Variants in NKAIN3 observed in about 807,000 individuals in gnomAD.
The protein encoded by NKAIN3 is sodium/potassium transporting ATPase interacting 3.
NKAIN3 carries 25 observed loss-of-function variants against 30.2 expected under a neutral mutation model. The ratio of observed to expected loss-of-function variants is 0.83; its 90% CI spans 0.60 to 1.16. The LOEUF is 1.16. Among genes scored for constraint, NKAIN3 ranks in the 50% most tolerant of loss-of-function variants. The pLI, the probability that NKAIN3 is intolerant of heterozygous loss-of-function variation, is 0.00. For synonymous variants in NKAIN3, 91 were observed against 89.6 expected, an observed-to-expected ratio of 1.02 and a Z score of -0.09; for missense variants, 225 against 254.1, an observed-to-expected ratio of 0.89 and a Z score of 0.78.
intron 1 of NKAIN3, among the ~76,000 whole-genome samples, chr8:62,332,439 G>C (rs1815387462): frequency 6.6e-6 from 1 of 152,086 alleles, no homozygotes; most frequent in Non-Finnish European, 1.5e-5. Flanking sequence ...GTAATCTGGT[G>C]TTACTTTTCC....
chr8:62,498,714 CT>C (rs35892368), intron 1 of NKAIN3, among the ~76,000 whole-genome samples: 18,986 of 145,170 alleles, frequency 0.13, 1,179 homozygotes, highest in African/African-American at 0.15. Flanking sequence ...GGATGTATGT[CT>C]TTTTTTTTTT....
intron 1 of NKAIN3, among the ~76,000 whole-genome samples, chr8:62,396,720 G>A (rs570329562): frequency 2.0e-5 from 3 of 152,134 alleles, no homozygotes; most frequent in Non-Finnish European, 4.4e-5. Context: ...TTACTCCTAT[G>A]ACAAGTTCTT....
chr8:62,391,041 G>A (rs1328641455), intron 1 of NKAIN3, among the ~76,000 whole-genome samples: 1 of 152,184 alleles, frequency 6.6e-6, no homozygotes, highest in South Asian at 2.1e-4. Flanking sequence ...AAGCGCTTTG[G>A]TTTAATTAGA....
At chr8:62,785,273 G>C (rs1329262067) in intron 4 of NKAIN3, among the ~76,000 whole-genome samples, 1 of 152,082 alleles carries the variant, frequency 6.6e-6, no homozygotes, top group Non-Finnish European at 1.5e-5. Flanking sequence ...AGTATACACT[G>C]CAATGTAGAT....
intron 4 of NKAIN3, among the ~76,000 whole-genome samples, chr8:62,756,712 G>A (rs2130607114): frequency 6.6e-6 from 1 of 152,188 alleles, no homozygotes; most frequent in Non-Finnish European, 1.5e-5. Flanking sequence ...CAGCATCTAT[G>A]GGTTTTAACA....
At chr8:62,855,729 T>C in intron 4 of NKAIN3, 1 of 1,512,010 alleles carries the variant, frequency 6.6e-7, no homozygotes, top group Non-Finnish European at 9.2e-7. Context: ...ATAGCCTTCA[T>C]CTTGTCCACC....
At chr8:62,409,935 G>A (rs963896511) in intron 1 of NKAIN3, among the ~76,000 whole-genome samples, 93 of 151,820 alleles carry the variant, frequency 6.1e-4, no homozygotes, top group Non-Finnish European at 4.6e-4. Context: ...AAAGAATAAG[G>A]TTATCCTCAA....
At chr8:62,739,165 T>C (rs1284229144) in intron 3 of NKAIN3, among the ~76,000 whole-genome samples, 1 of 152,068 alleles carries the variant, frequency 6.6e-6, no homozygotes, top group Non-Finnish European at 1.5e-5. Flanking sequence ...CTAATGTAGA[T>C]GATGAGTTGA....
chr8:62,313,870 C>T (rs1411230086), intron 1 of NKAIN3, among the ~76,000 whole-genome samples: 1 of 152,076 alleles, frequency 6.6e-6, no homozygotes, highest in Non-Finnish European at 1.5e-5. Flanking sequence ...TATTCATTCA[C>T]AAAACATTTA....
rs73683426 is a variant in NKAIN3 at position 62,784,723 on chromosome 8, G to T, written c.471+37594G>T. 9.8e-3 allele frequency among the ~76,000 whole-genome samples: 1,485 copies of T among 152,164 alleles called. 22 individuals carry two copies. The highest frequency in any genetic ancestry group is 0.034 in the African/African-American group (1,404 of 41,528). ...TACCAATTCTTCACAAATTCCTTCA[G>T]AAAATAGAGCATGAAGGAGCACTTC... On this transcript the variant is annotated intron_variant, in intron 4 of 6. Coordinates refer to ENST00000623646, the MANE Select transcript of NKAIN3 (RefSeq NM_001304533.3).
chr8:62,748,889 T>C (rs1816174284), intron 4 of NKAIN3, among the ~76,000 whole-genome samples: 2 of 152,186 alleles, frequency 1.3e-5, no homozygotes, highest in African/African-American at 4.8e-5. Context: ...TGCTTATCAG[T>C]CTTTTCTTAT....
chr8:62,474,442 A>G (rs1287252664), intron 1 of NKAIN3, among the ~76,000 whole-genome samples: 2 of 152,210 alleles, frequency 1.3e-5, no homozygotes, highest in African/African-American at 4.8e-5. Flanking sequence ...GAAGGAGCCT[A>G]CTAATTCCCT....
At chr8:62,596,035 T>C (rs1351239339) in intron 3 of NKAIN3, among the ~76,000 whole-genome samples, 2 of 152,224 alleles carry the variant, frequency 1.3e-5, no homozygotes, top group Non-Finnish European at 2.9e-5. Context: ...CCTGACTATA[T>C]GCTTGATAGT....
intron 1 of NKAIN3, among the ~76,000 whole-genome samples, chr8:62,280,919 C>G (rs1033039152): frequency 5.9e-5 from 9 of 152,136 alleles, no homozygotes; most frequent in African/African-American, 2.2e-4. Context: ...CCCTCTTTTT[C>G]TATTGATTGG....
At chr8:62,399,101 CA>C (rs889230849) in intron 1 of NKAIN3, among the ~76,000 whole-genome samples, 9 of 151,064 alleles carry the variant, frequency 6.0e-5, no homozygotes, top group South Asian at 2.1e-4. Context: ...AAAAAACAAA[CA>C]AAAAAAAATT....
At chr8:62,374,150 G>GAAGA (rs780038531) in intron 1 of NKAIN3, among the ~76,000 whole-genome samples, 2 of 140,108 alleles carry the variant, frequency 1.4e-5, no homozygotes, top group East Asian at 2.0e-4. Context: ...GAAGACAGAA[G>GAAGA]AAGAAAGAAA....
chr8:62,832,275 ACACACAC>A (rs1420281919), intron 4 of NKAIN3, among the ~76,000 whole-genome samples: 23 of 147,020 alleles, frequency 1.6e-4, no homozygotes, highest in Non-Finnish European at 3.0e-4. Flanking sequence ...ACACACACAC[ACACACAC>A]ACACACACAC....
In NKAIN3 at chr8:62,978,553, G is replaced by A. The variant is rs1823998220; in HGVS notation, c.*13146G>A. ...GCCTACTCAAGCCTCAGTAATGGCA[G>A]ATACCTCTCCCCCAACCAAGCTTGA... On this transcript the variant is annotated 3_prime_UTR_variant, in exon 7 of 7. Coordinates refer to ENST00000623646, the MANE Select transcript of NKAIN3 (RefSeq NM_001304533.3). 6.6e-6 allele frequency: 1 copy of A among 152,270 alleles called. No homozygotes were observed. Among genetic ancestry groups the A allele is most frequent in the Non-Finnish European group, 1.5e-5 (1 of 68,086 alleles). The allele number at this position is 152,270 out of a possible 1,614,324, so 9.4% of individuals were successfully genotyped here. A position where few individuals can be genotyped will look rare whatever the true frequency, so the allele number is the denominator to read the frequency against.
intron 3 of NKAIN3, among the ~76,000 whole-genome samples, chr8:62,636,754 A>G (rs915098449): frequency 6.6e-6 from 1 of 152,220 alleles, no homozygotes; most frequent in Non-Finnish European, 1.5e-5. Context: ...TAAACAACAA[A>G]AAATCATGTC....
Sources: gnomAD v4.1 joint callset for allele counts (sites outside exome capture counted in the v4.1 genomes callset) on GRCh38, gnomAD v4.1.1 for gene constraint, MANE v1.5 for transcripts, NCBI Gene and HGNC (gene_info 2026-07-23, HGNC 2026-07-21) for gene names.